The following TBC1D5 variants were observed in gnomAD, a reference collection of about 807,000 sequenced individuals.
TBC1D5 encodes TBC1 domain family member 5.
A neutral mutation model predicts 100.3 loss-of-function variants in TBC1D5; 75 were observed. The observed-to-expected ratio is 0.75, with a 90% CI of 0.62 to 0.91. TBC1D5 has a LOEUF of 0.91. TBC1D5 is among the 40% of genes least tolerant of loss of function. TBC1D5 has a pLI of 0.00. For synonymous variants in TBC1D5, 323 were observed against 325.6 expected (o/e 0.99, Z 0.09); for missense variants, 910 against 942.4 (o/e 0.97, Z 0.45).
chr3:17,698,374 C>G (rs1160260480), intron 1 of TBC1D5, among the ~76,000 whole-genome samples: 2 of 151,434 alleles, frequency 1.3e-5, no homozygotes, highest in Non-Finnish European at 3.0e-5. Flanking sequence ...CTTCCTTACA[C>G]CTTATACAAA....
chr3:17,386,086 T>C (rs548278375), intron 8 of TBC1D5, among the ~76,000 whole-genome samples: 3 of 152,208 alleles, frequency 2.0e-5, no homozygotes, highest in East Asian at 1.9e-4. Flanking sequence ...TAACTTGGTA[T>C]AGAGAAATAT....
intron 17 of TBC1D5, among the ~76,000 whole-genome samples, chr3:17,228,313 T>C (rs1358896994): frequency 1.3e-5 from 2 of 152,184 alleles, no homozygotes; most frequent in Admixed American, 6.5e-5. Context: ...ATAGTTCTCA[T>C]CTACAAGTGG....
chr3:17,299,240 G>A (rs931409375), intron 14 of TBC1D5, among the ~76,000 whole-genome samples: 1 of 152,290 alleles, frequency 6.6e-6, no homozygotes, highest in Non-Finnish European at 1.5e-5. Flanking sequence ...TGCTGGACAA[G>A]GGAAGATTCA....
intron 19 of TBC1D5, among the ~76,000 whole-genome samples, chr3:17,174,415 AC>A (rs1057227006): frequency 6.6e-6 from 1 of 151,992 alleles, no homozygotes; most frequent in Non-Finnish European, 1.5e-5. Flanking sequence ...TCTGGGGGAG[AC>A]CCTGGTTTTC....
intron 18 of TBC1D5, among the ~76,000 whole-genome samples, chr3:17,204,225 G>T (rs2071859377): frequency 6.6e-6 from 1 of 152,210 alleles, no homozygotes; most frequent in African/African-American, 2.4e-5. Flanking sequence ...GGACAACCAT[G>T]CAGACTCCGC....
intron 2 of TBC1D5, among the ~76,000 whole-genome samples, chr3:17,608,999 C>T (rs2153612889): frequency 6.6e-6 from 1 of 152,290 alleles, no homozygotes; most frequent in South Asian, 2.1e-4. Flanking sequence ...TGTTTAACCA[C>T]TATTTTGCTT....
intron 2 of TBC1D5, among the ~76,000 whole-genome samples, chr3:17,543,141 G>A (rs866278739): frequency 3.3e-5 from 5 of 152,062 alleles, no homozygotes; most frequent in South Asian, 2.1e-4. Context: ...GAGGGGAGAG[G>A]AGAAGAAAAG....
chr3:17,497,632 T>C (rs946657481), intron 3 of TBC1D5, among the ~76,000 whole-genome samples: 1 of 152,240 alleles, frequency 6.6e-6, no homozygotes, highest in Non-Finnish European at 1.5e-5. Context: ...TAGTGTTCTA[T>C]GCTTGGCTAA....
At chr3:17,715,418 C>G (rs1312612774) in intron 1 of TBC1D5, among the ~76,000 whole-genome samples, 5 of 152,110 alleles carry the variant, frequency 3.3e-5, no homozygotes, top group African/African-American at 1.2e-4. Flanking sequence ...TACAGGGGGG[C>G]ATATGCAATT....
At chr3:17,373,227 C>T (rs1016564366) in intron 12 of TBC1D5, among the ~76,000 whole-genome samples, 9 of 152,138 alleles carry the variant, frequency 5.9e-5, no homozygotes, top group African/African-American at 2.2e-4. Context: ...ATGCCAACCT[C>T]TGAGCTGGCC....
intron 2 of TBC1D5, among the ~76,000 whole-genome samples, chr3:17,527,347 A>G (rs1463619515): frequency 6.6e-6 from 1 of 152,190 alleles, no homozygotes; most frequent in Non-Finnish European, 1.5e-5. Flanking sequence ...AGAAGACCAT[A>G]AAGTGGGAAA....
chr3:17,200,320 C>T (rs201995863), intron 18 of TBC1D5, among the ~76,000 whole-genome samples: 13 of 152,284 alleles, frequency 8.5e-5, no homozygotes, highest in East Asian at 7.7e-4. Flanking sequence ...AGTAGTTGTT[C>T]GCGGCCTGTT....
chr3:17,563,869 G>A (rs563017146), intron 2 of TBC1D5, among the ~76,000 whole-genome samples: 85 of 152,112 alleles, frequency 5.6e-4, no homozygotes, highest in Non-Finnish European at 9.3e-4. Flanking sequence ...TGCAAGCTCC[G>A]CCTCCTGGCT....
At chr3:17,293,255 G>A (rs1361147508) in intron 14 of TBC1D5, among the ~76,000 whole-genome samples, 1 of 151,884 alleles carries the variant, frequency 6.6e-6, no homozygotes, top group East Asian at 1.9e-4. Context: ...TTTTTCTCCA[G>A]AAATTCAAAA....
chr3:17,550,763 C>T (rs1338214608), intron 2 of TBC1D5, among the ~76,000 whole-genome samples: 3 of 151,972 alleles, frequency 2.0e-5, no homozygotes, highest in Non-Finnish European at 2.9e-5. Flanking sequence ...TGTTATTTTG[C>T]CATAAAGATA....
At chr3:17,401,352 A>ATGTATATG (rs1219308493) in intron 8 of TBC1D5, among the ~76,000 whole-genome samples, 1 of 115,484 alleles carries the variant, frequency 8.7e-6, no homozygotes, top group East Asian at 2.1e-4. Flanking sequence ...TAATATACAT[A>ATGTATATG]TATATGTATG....
At chr3:17,701,031 G>A (rs939382690) in intron 1 of TBC1D5, among the ~76,000 whole-genome samples, 10 of 152,076 alleles carry the variant, frequency 6.6e-5, no homozygotes, top group Admixed American at 3.3e-4. Flanking sequence ...ACATGCATAC[G>A]TATGTTTATT....
intron 3 of TBC1D5, among the ~76,000 whole-genome samples, chr3:17,435,859 A>AT (rs1161346409): frequency 1.3e-5 from 2 of 152,226 alleles, no homozygotes; most frequent in African/African-American, 4.8e-5. Context: ...AGCAATATGC[A>AT]TGATCAGAAA....
intron 17 of TBC1D5, among the ~76,000 whole-genome samples, chr3:17,224,116 C>T (rs1235792483): frequency 6.6e-6 from 1 of 152,098 alleles, no homozygotes; most frequent in Non-Finnish European, 1.5e-5. Flanking sequence ...CAGAAAATAT[C>T]TGATGGTCAG....
Sources: gnomAD v4.1 joint callset for allele counts (sites outside exome capture counted in the v4.1 genomes callset) on GRCh38, gnomAD v4.1.1 for gene constraint, MANE v1.5 for transcripts, NCBI Gene and HGNC (gene_info 2026-07-23, HGNC 2026-07-21) for gene names.